Variants in FGFR3 observed in about 807,000 individuals in gnomAD.
The protein encoded by FGFR3 is fibroblast growth factor receptor 3, also known as FGFR-3.
A neutral mutation model predicts 82.9 loss-of-function variants in FGFR3; 25 were observed. That is an observed-to-expected ratio of 0.30 (90% CI 0.22 to 0.42). The LOEUF (loss-of-function observed/expected upper bound fraction) is 0.42. Among genes scored for constraint, FGFR3 ranks in the 10% least tolerant of loss-of-function variants. FGFR3 has a pLI of 1.00. For missense variants in FGFR3, 1,026 were observed against 1,161.0 expected (o/e 0.88, Z 1.69); for synonymous variants, 620 against 516.0 (o/e 1.20, Z -2.73).
chr4:1,804,409 G>A lies in FGFR3; in HGVS notation c.1155G>A (p.Leu385=), dbSNP rs1424037783. 1.2e-6 allele frequency: 2 copies of A among 1,613,090 alleles called. No homozygotes were observed. Among genetic ancestry groups the A allele is most frequent in the Non-Finnish European group, 8.5e-7 (1 of 1,179,696 alleles). ...GILSYGVGFF[L]FILVVAAVTL... is the part of the protein sequence containing the mutation. ...TCAGCTACGGGGTGGGCTTCTTCCT[G>A]TTCATCCTGGTGGTGGCGGCTGTGA... The change falls in exon 9 of 18, where the codon CTG becomes CTA. Residue 385 remains leucine (L), a synonymous_variant. Coordinates refer to ENST00000440486, the MANE Select transcript of FGFR3 (RefSeq NM_000142.5).
chr4:1,806,796 G>T lies in FGFR3; in HGVS notation c.2169-33G>T, dbSNP rs3135899. 1.9e-6 allele frequency: 3 copies of T among 1,585,136 alleles called. No individual in the cohort carries two copies. The African/African-American group carries it at 4.0e-5, about 21-fold the overall frequency. On this transcript the variant is annotated intron_variant, in intron 16 of 17. Coordinates refer to ENST00000440486, the MANE Select transcript of FGFR3 (RefSeq NM_000142.5). ...GCTGTTCCCGAATAAGGCGGGAAGC[G>T]GCGGGGCTCACTCCTGAGCGCCCTG...
At chr4:1,804,755 T>C in intron 9 of FGFR3, 69 bp from the exon 10 acceptor site, 1 of 1,542,662 alleles carries the variant, frequency 6.5e-7, no homozygotes, top group South Asian at 1.2e-5. Context: ...GGCCCAGCAC[T>C]GACCCCCGGC....
chr4:1,801,778 G>C (rs1357460755), intron 6 of FGFR3, 35 bp downstream of exon 6: 19 of 1,588,662 alleles, frequency 1.2e-5, no homozygotes, highest in Non-Finnish European at 1.5e-5. Flanking sequence ...GGTGGGGGCG[G>C]CAGTGGCGGT....
chr4:1,807,802 G>A lies in FGFR3; in HGVS notation c.*540G>A, dbSNP rs960586341. On this transcript the variant is annotated 3_prime_UTR_variant, in exon 18 of 18. Transcript: ENST00000440486. ...CCTGCCCCTCAGAGACTGAAATTAC[G>A]GGTACCTGAAGATGGGAGCCTTTAC... 1.4e-5 allele frequency: 7 copies of A among 505,776 alleles called. No homozygotes were observed. Among genetic ancestry groups the A allele is most frequent in the African/African-American group, 5.7e-5 (3 of 52,774 alleles). The allele number at this position is 505,776 out of a possible 1,614,324, so 31.3% of individuals were successfully genotyped here. A position where few individuals can be genotyped will look rare whatever the true frequency, so the allele number is the denominator to read the frequency against.
intron 7 of FGFR3, 93 bp downstream of exon 7, chr4:1,802,118 T>A: frequency 7.1e-7 from 1 of 1,407,780 alleles, no homozygotes; most frequent in Non-Finnish European, 9.8e-7. Context: ...AGGATTTGGG[T>A]CTAGGGGTTG....
chr4:1,808,495 CCCTGT>C lies in FGFR3; in HGVS notation c.*1234_*1238del. On this transcript the variant is annotated 3_prime_UTR_variant, in exon 18 of 18. Transcript: ENST00000440486. ...GAGACGGTTTCCAGGGAGGGGCCGGCCCTGTGTGCAGGTTCCGATGTTATTAGATG... is the reference window on the plus strand; with the variant it reads ...GAGACGGTTTCCAGGGAGGGGCCGGCGTGCAGGTTCCGATGTTATTAGATG... 4.3e-6 allele frequency: 1 copy of C among 231,674 alleles called. No homozygotes were observed. 14.4% of individuals were successfully genotyped at this position (231,674 alleles called of 1,614,324 possible). A position where few individuals can be genotyped will look rare whatever the true frequency, so the allele number is the denominator to read the frequency against.
Position 1,804,310 on chromosome 4 carries a change from C to A in FGFR3, c.1076-20C>A. The A allele has an allele frequency of 6.3e-7, 1 of 1,583,066 alleles. No individual in the cohort carries two copies. On this transcript the variant is annotated intron_variant, in intron 8 of 17. Coordinates refer to ENST00000440486, the MANE Select transcript of FGFR3 (RefSeq NM_000142.5). ...TGGGGGGGGGGGCCAGGCCAGGCCT[C>A]AACGCCCATGTCTTTGCAGCCGAGG...
chr4:1,803,153 TGCTCGCTCCCGCCCCG>T (rs1187385526), intron 7 of FGFR3: 3 of 1,364,412 alleles, frequency 2.2e-6, no homozygotes, highest in African/African-American at 3.1e-5. Context: ...CGCCCAGCCC[TGCTCGCTCCCGCCCCG>T]GCTCGCGCTC....
At position 1,805,550 on chromosome 4, in the gene FGFR3, C is replaced by G. The variant is rs758004462; in HGVS notation, c.1535-9C>G. 6.2e-7 allele frequency: 1 copy of G among 1,612,962 alleles called. No homozygotes were observed. The highest frequency in any genetic ancestry group is 2.2e-5 in the East Asian group (1 of 44,878). ...GCCGCCTGACACAGGCCCCCCGCTC[C>G]GTGCACAGACGATGCCACTGACAAG... On this transcript the variant is annotated splice_polypyrimidine_tract_variant and intron_variant, in intron 11 of 17. Transcript: ENST00000440486.
intron 8 of FGFR3, 131 bp from the exon 9 acceptor site, chr4:1,804,199 G>C: frequency 9.4e-7 from 1 of 1,058,868 alleles, no homozygotes; most frequent in Non-Finnish European, 1.4e-6. Flanking sequence ...AGACCCTCCA[G>C]ACAAGGCGCG....
At position 1,804,392 on chromosome 4, in the gene FGFR3, G is replaced by A. The variant is rs28931614; in HGVS notation, c.1138G>A (p.Gly380Arg). ...TGTGTATGCAGGCATCCTCAGCTACGGGGTGGGCTTCTTCCTGTTCATCCT... is the reference window on the plus strand; with the variant it reads ...TGTGTATGCAGGCATCCTCAGCTACAGGGTGGGCTTCTTCCTGTTCATCCT... ...GSVYAGILSYGVGFFLFILVV... is the reference protein window; with the variant it reads ...GSVYAGILSYRVGFFLFILVV... The change falls in exon 9 of 18, where the codon GGG becomes AGG. Residue 380 changes from glycine (G) to arginine (R), a missense_variant. Physicochemically the swap from Gly to Arg is moderately radical, Grantham distance 125 (BLOSUM62 -2). This residue lies in a region of FGFR3 where 256 missense variants were observed against 217.6 expected (regional missense o/e 1.18). Coordinates refer to ENST00000440486, the MANE Select transcript of FGFR3 (RefSeq NM_000142.5). 4.3e-6 allele frequency: 7 copies of A among 1,613,160 alleles called. No homozygotes were observed. Among genetic ancestry groups the A allele is most frequent in the South Asian group, 1.1e-5 (1 of 91,028 alleles).
chr4:1,807,168 A>G lies in FGFR3; in HGVS notation c.2327A>G (p.Asp776Gly), dbSNP rs1435446706. Residue 776 changes from aspartate (D) to glycine (G), a missense_variant, in exon 18 of 18, where the codon GAC (aspartate) becomes GGC (glycine). Physicochemically the swap from Asp to Gly is moderately conservative, Grantham distance 94 (BLOSUM62 -1). This residue lies in a region of FGFR3 where 155 missense variants were observed against 150.2 expected (regional missense o/e 1.03). Coordinates refer to ENST00000440486, the MANE Select transcript of FGFR3 (RefSeq NM_000142.5). ...PFEQYSPGGQDTPSSSSSGDD... is the reference protein window; with the variant it reads ...PFEQYSPGGQGTPSSSSSGDD... ...GAGCAGTACTCCCCGGGTGGCCAGGACACCCCCAGCTCCAGCTCCTCAGGG... is the reference window on the plus strand; with the variant it reads ...GAGCAGTACTCCCCGGGTGGCCAGGGCACCCCCAGCTCCAGCTCCTCAGGG... 6.2e-7 allele frequency: 1 copy of G among 1,602,334 alleles called. No individual in the cohort carries two copies.
At chr4:1,803,302 C>A in intron 7 of FGFR3, 1 of 534,536 alleles carries the variant, frequency 1.9e-6, no homozygotes, top group Non-Finnish European at 3.1e-6. Flanking sequence ...GTGCCCGGTG[C>A]CCACCGGGCC....
intron 3 of FGFR3, 109 bp from the exon 4 acceptor site, chr4:1,799,638 A>G (rs1262151338): frequency 1.3e-5 from 20 of 1,556,658 alleles, no homozygotes; most frequent in Non-Finnish European, 1.5e-5. Context: ...AGAGGAGGGC[A>G]CCCCCAGGAA....
At chr4:1,795,018 G>T (rs867946351) in intron 2 of FGFR3, among the ~76,000 whole-genome samples, 516 of 151,604 alleles carry the variant, frequency 3.4e-3, no homozygotes, top group Non-Finnish European at 5.6e-3. Flanking sequence ...CGGCGGGCCG[G>T]GGAGGGCGCC....
Position 1,805,606 on chromosome 4 carries a change from A to T in FGFR3, c.1582A>T (p.Met528Leu). The T allele has an allele frequency of 6.2e-7, 1 of 1,613,300 alleles. No homozygotes were observed. Among genetic ancestry groups the T allele is most frequent in the Non-Finnish European group, 8.5e-7 (1 of 1,179,788 alleles). The change falls in exon 12 of 18, where the codon ATG becomes TTG. Residue 528 changes from methionine (M) to leucine (L), a missense_variant. Met to Leu is a conservative substitution (Grantham distance 15, BLOSUM62 2). Coordinates refer to ENST00000440486, the MANE Select transcript of FGFR3 (RefSeq NM_000142.5). ...DLSDLVSEME[M>L]MKMIGKHKNI... ...GTCGGACCTGGTGTCTGAGATGGAGATGATGAAGATGATCGGGAAACACAA... is the reference window on the plus strand; with the variant it reads ...GTCGGACCTGGTGTCTGAGATGGAGTTGATGAAGATGATCGGGAAACACAA...
At position 1,807,211 on chromosome 4, in the gene FGFR3, C is replaced by A. The variant is rs138078624; in HGVS notation, c.2370C>A (p.Ala790=). 6.2e-7 allele frequency: 1 copy of A among 1,608,550 alleles called. No homozygotes were observed. The highest frequency in any genetic ancestry group is 1.1e-5 in the South Asian group (1 of 90,244). ...CCTCAGGGGACGACTCCGTGTTTGC[C>A]CACGACCTGCTGCCCCCGGCCCCAC... The part of the protein sequence containing the change: ...SSSSGDDSVF[A]HDLLPPAPPS... The change falls in exon 18 of 18, where the codon GCC becomes GCA. Residue 790 remains alanine, a synonymous_variant. Coordinates refer to ENST00000440486, the MANE Select transcript of FGFR3 (RefSeq NM_000142.5).
At chr4:1,796,847 C>T (rs999250117) in intron 2 of FGFR3, among the ~76,000 whole-genome samples, 1 of 152,184 alleles carries the variant, frequency 6.6e-6, no homozygotes, top group Non-Finnish European at 1.5e-5. Context: ...TCCCTGAGCT[C>T]CTGGGCCTGT....
Position 1,805,388 on chromosome 4 carries a change from C to G in FGFR3, c.1446C>G (p.Cys482Trp), listed in dbSNP as rs1303034560. ...LTLGKPLGEG[C>W]FGQVVMAEAI... The stretch of plus-strand genomic sequence containing the variant: ...TGGGCAAGCCCCTTGGGGAGGGCTG[C>G]TTCGGCCAGGTGGTCATGGCGGAGG... Residue 482 changes from cysteine (C) to tryptophan (W), a missense_variant, in exon 11 of 18, where the codon TGC (cysteine) becomes TGG (tryptophan). By Grantham distance (215) the Cys-to-Trp change is radical. Transcript: ENST00000440486. The G allele has an allele frequency of 6.2e-7, 1 of 1,612,470 alleles. No homozygotes were observed. Among genetic ancestry groups the G allele is most frequent in the Non-Finnish European group, 8.5e-7 (1 of 1,179,820 alleles).
Sources: allele counts gnomAD v4.1 joint callset (sites outside exome capture counted in the v4.1 genomes callset), GRCh38; gene constraint gnomAD v4.1.1; regional missense constraint gnomAD v4.1.1; transcripts MANE v1.5; gene names NCBI Gene and HGNC (gene_info 2026-07-23, HGNC 2026-07-21).